Variants in CDK19 observed in about 807,000 individuals in gnomAD.
The protein encoded by CDK19 is cyclin-dependent kinase 19.
Under a neutral mutation model 68.3 loss-of-function variants are expected in CDK19, and 20 were observed. The ratio of observed to expected loss-of-function variants is 0.29; its 90% CI spans 0.21 to 0.43. CDK19 has a LOEUF of 0.43. Ranked by LOEUF, CDK19 falls within the 20% of genes least tolerant of loss-of-function variation. The pLI is 1.00. For missense variants in CDK19, 339 were observed against 623.5 expected (o/e 0.54, Z 4.86); for synonymous variants, 221 against 222.8 (o/e 0.99, Z 0.07).
intron 2 of CDK19, among the ~76,000 whole-genome samples, chr6:110,719,972 G>GCTGGGGGGGGCCCCCC: frequency 2.2e-5 from 1 of 45,550 alleles, no homozygotes; most frequent in East Asian, 5.9e-4. Context: ...CTTGTGATCC[G>GCTGGGGGGGGCCCCCC]CCCCCCCCCC....
At chr6:110,703,857 A>C (rs570211778) in intron 2 of CDK19, among the ~76,000 whole-genome samples, 1 of 152,294 alleles carries the variant, frequency 6.6e-6, no homozygotes, top group Non-Finnish European at 1.5e-5. Context: ...TAAAAATTAA[A>C]AATGAACCTA....
intron 2 of CDK19, among the ~76,000 whole-genome samples, chr6:110,732,127 T>A (rs1582974285): frequency 7.0e-6 from 1 of 142,840 alleles, no homozygotes; most frequent in African/African-American, 2.5e-5. Flanking sequence ...AGAGAAATCA[T>A]CACTAAAAGG....
In CDK19 at chr6:110,715,499, CT is replaced by C. The variant is rs145145454; in HGVS notation, c.204+30626del. 1.0e-3 allele frequency among the ~76,000 whole-genome samples: 157 copies of C among 150,124 alleles called. 1 individual carries two copies. The highest frequency in any genetic ancestry group is 3.6e-3 in the African/African-American group (149 of 40,988). ...TGTGTATTCAGTTCTTTGGCAGAAACTTTTTTTTTTGAGACTAGTCGCTCTG... is the reference window on the plus strand; with the variant it reads ...TGTGTATTCAGTTCTTTGGCAGAAACTTTTTTTTTGAGACTAGTCGCTCTG... On this transcript the variant is annotated intron_variant, in intron 2 of 12. Transcript: ENST00000368911.
In CDK19 at chr6:110,794,098, T is replaced by G. The variant is rs574395776; in HGVS notation, c.128+20911A>C. On this transcript the variant is annotated intron_variant, in intron 1 of 12. Coordinates refer to ENST00000368911, the MANE Select transcript of CDK19 (RefSeq NM_015076.5). The stretch of plus-strand genomic sequence containing the variant: ...TCTCGCTCTGTCACCCAGGCTGGAG[T>G]GCAGTGGCGCAATCTCAGCTCACTG... 5.6e-4 allele frequency among the ~76,000 whole-genome samples: 85 copies of G among 152,216 alleles called. 1 individual carries two copies. Among genetic ancestry groups the G allele is most frequent in the Non-Finnish European group, 1.1e-3 (74 of 68,018 alleles).
intron 1 of CDK19, among the ~76,000 whole-genome samples, chr6:110,800,364 C>G (rs1782263952): frequency 6.6e-6 from 1 of 152,170 alleles, no homozygotes; most frequent in Non-Finnish European, 1.5e-5. Context: ...CAGTTGAATT[C>G]TGCCAGACGT....
intron 2 of CDK19, among the ~76,000 whole-genome samples, chr6:110,708,427 T>C (rs1418601808): frequency 6.6e-6 from 1 of 152,142 alleles, no homozygotes; most frequent in Non-Finnish European, 1.5e-5. Context: ...CCTCCCCCTA[T>C]AGCTCCACCT....
intron 1 of CDK19, among the ~76,000 whole-genome samples, chr6:110,774,997 C>A (rs528461536): frequency 1.3e-5 from 2 of 152,070 alleles, no homozygotes; most frequent in South Asian, 4.2e-4. Flanking sequence ...CCTGTAATCC[C>A]AGCACTTTGG....
chr6:110,683,329 T>C (rs2114529186), intron 2 of CDK19, among the ~76,000 whole-genome samples: 1 of 152,266 alleles, frequency 6.6e-6, no homozygotes, highest in East Asian at 1.9e-4. Context: ...TGCCTGGCAT[T>C]GTTCTTGATA....
chr6:110,664,009 T>C (rs12663712), intron 4 of CDK19, among the ~76,000 whole-genome samples: 20,466 of 151,752 alleles, frequency 0.13, 1,762 homozygotes, highest in Non-Finnish European at 0.17. Context: ...GCTTTTCTAG[T>C]GGGGGAAAAA....
chr6:110,799,352 A>G (rs1483483364), intron 1 of CDK19, among the ~76,000 whole-genome samples: 1 of 152,074 alleles, frequency 6.6e-6, no homozygotes, highest in Non-Finnish European at 1.5e-5. Flanking sequence ...TAATACAGTC[A>G]TCCCTCAGTA....
rs185843368 is a variant in CDK19, at chr6:110,624,833, G to A, written c.861-1471C>T. 1.5e-3 allele frequency among the ~76,000 whole-genome samples: 228 copies of A among 152,306 alleles called. 1 individual carries two copies. The highest frequency in any genetic ancestry group is 5.3e-3 in the African/African-American group (219 of 41,564). ...AATACTGCCTAGCAGGTGAGACTCA[G>A]AGACCCCTACTAGACCCTGATTGTC... is the stretch of plus-strand genomic sequence containing the variant. On this transcript the variant is annotated intron_variant, in intron 8 of 12. Transcript: ENST00000368911.
At chr6:110,677,156 G>A (rs1287145785) in intron 2 of CDK19, among the ~76,000 whole-genome samples, 6 of 152,106 alleles carry the variant, frequency 3.9e-5, no homozygotes, top group Admixed American at 1.3e-4. Context: ...CTGCAGCCAG[G>A]AGTGATATTT....
chr6:110,778,497 G>T (rs1250134694), intron 1 of CDK19, among the ~76,000 whole-genome samples: 2 of 152,196 alleles, frequency 1.3e-5, no homozygotes, highest in African/African-American at 4.8e-5. Flanking sequence ...TTTCCCAGCA[G>T]AATGGCTTTT....
chr6:110,678,948 G>C (rs1272755510), intron 2 of CDK19, among the ~76,000 whole-genome samples: 1 of 152,158 alleles, frequency 6.6e-6, no homozygotes, highest in African/African-American at 2.4e-5. Flanking sequence ...TTCCTGATCT[G>C]TACACGTACC....
intron 2 of CDK19, among the ~76,000 whole-genome samples, chr6:110,673,546 A>AG (rs1422430139): frequency 1.3e-5 from 2 of 152,074 alleles, no homozygotes; most frequent in East Asian, 3.9e-4. Context: ...GTAAAAAAAA[A>AG]AAAACTTTTT....
intron 4 of CDK19, chr6:110,646,051 C>G (rs1780549413): frequency 1.1e-6 from 1 of 908,988 alleles, no homozygotes; most frequent in Non-Finnish European, 1.7e-6. Flanking sequence ...GAAGCTATCC[C>G]TTTGTTGCCA....
intron 2 of CDK19, among the ~76,000 whole-genome samples, chr6:110,682,637 CAT>C (rs1772114649): frequency 6.6e-6 from 1 of 152,138 alleles, no homozygotes; most frequent in Admixed American, 6.6e-5. Flanking sequence ...GGTTACCAGT[CAT>C]AAGCTCCAGG....
intron 2 of CDK19, among the ~76,000 whole-genome samples, chr6:110,701,327 G>A (rs1042964314): frequency 1.8e-4 from 28 of 151,524 alleles, no homozygotes; most frequent in Admixed American, 4.6e-4. Context: ...CAGATCACGA[G>A]GTCAGGAGAT....
chr6:110,661,279 C>G (rs1781601369), intron 4 of CDK19, among the ~76,000 whole-genome samples: 1 of 152,174 alleles, frequency 6.6e-6, no homozygotes, highest in South Asian at 2.1e-4. Flanking sequence ...GAGGTTACTT[C>G]TGGATAGGCC....
Sources: gnomAD v4.1 joint callset for allele counts (sites outside exome capture counted in the v4.1 genomes callset) on GRCh38, gnomAD v4.1.1 for gene constraint, MANE v1.5 for transcripts, NCBI Gene and HGNC (gene_info 2026-07-23, HGNC 2026-07-21) for gene names.